Variants in BRINP1 observed in about 807,000 individuals in gnomAD.
BRINP1 encodes BMP/retinoic acid-inducible neural-specific protein 1.
BRINP1 carries 17 observed loss-of-function variants against 72.9 expected under a neutral mutation model. The observed-to-expected ratio is 0.23, with a 90% confidence interval of 0.16 to 0.35. BRINP1 has a LOEUF of 0.35. Among genes scored for constraint, BRINP1 ranks in the 10% least tolerant of loss-of-function variants. The pLI, the probability that BRINP1 is intolerant of heterozygous loss-of-function variation, is 1.00. For synonymous variants in BRINP1, 418 were observed against 378.5 expected, an observed-to-expected ratio of 1.10 and a Z score of -1.21; for missense variants, 850 against 1,001.6, an observed-to-expected ratio of 0.85 and a Z score of 2.04.
intron 7 of BRINP1, among the ~76,000 whole-genome samples, chr9:119,180,439 C>T (rs1391988799): frequency 1.3e-5 from 2 of 151,446 alleles, no homozygotes; most frequent in East Asian, 1.9e-4. Flanking sequence ...TCTGATGATG[C>T]GCTGTTCTTT....
chr9:119,219,707 A>C (rs1830019419), intron 5 of BRINP1, among the ~76,000 whole-genome samples: 1 of 148,368 alleles, frequency 6.7e-6, no homozygotes, highest in African/African-American at 2.5e-5. Flanking sequence ...AAGAGATGTA[A>C]ACTAGTTGCT....
In BRINP1 at chr9:119,213,807, G is replaced by C. The variant is rs1829952148; in HGVS notation, c.922+112C>G. ...GCATCTGGACACTCCAAAGTGAAAG[G>C]GTCAGGGTCACTGAACTTTCCCTTG... On this transcript the variant is annotated intron_variant, in intron 6 of 7. Transcript: ENST00000265922. The C allele has an allele frequency of 9.0e-6, 8 of 890,534 alleles. 1 individual carries two copies. In the South Asian group the frequency reaches 1.2e-4, roughly 13 times the overall value. 55.2% of individuals were successfully genotyped at this position (890,534 alleles called of 1,614,324 possible).
intron 7 of BRINP1, among the ~76,000 whole-genome samples, chr9:119,171,628 G>A (rs1213000405): frequency 6.3e-4 from 71 of 113,270 alleles, no homozygotes; most frequent in Admixed American, 1.5e-3. Context: ...TGCACCAAGC[G>A]GACCTAATAG....
At chr9:119,314,677 T>C (rs1040466269) in intron 1 of BRINP1, among the ~76,000 whole-genome samples, 8 of 152,200 alleles carry the variant, frequency 5.3e-5, no homozygotes, top group Non-Finnish European at 1.2e-4. Context: ...ACAGAGCTTC[T>C]CTTACTCCAT....
At chr9:119,231,335 C>T (rs1394253606) in intron 5 of BRINP1, among the ~76,000 whole-genome samples, 1 of 152,144 alleles carries the variant, frequency 6.6e-6, no homozygotes, top group East Asian at 1.9e-4. Context: ...ATGCACAAGA[C>T]CCTATTCACT....
At chr9:119,332,089 C>T (rs192205548) in intron 1 of BRINP1, among the ~76,000 whole-genome samples, 1 of 152,248 alleles carries the variant, frequency 6.6e-6, no homozygotes. Flanking sequence ...CTTCCTGTTA[C>T]CTTCAAACTC....
chr9:119,369,404 C>A lies in BRINP1; in HGVS notation c.-399G>T. ...CCCGCGCGCCAGATCAGTTTGCAGC[C>A]GTGGGGTCCGGGAGCGAGGCGGCTG... On this transcript the variant is annotated 5_prime_UTR_variant, in exon 1 of 8. Coordinates refer to ENST00000265922, the MANE Select transcript of BRINP1 (RefSeq NM_014618.3). 1 of 395,974 alleles carries A rather than the reference C, an allele frequency of 2.5e-6. No homozygotes were observed. The highest frequency in any genetic ancestry group is 4.4e-6 in the Non-Finnish European group (1 of 224,736). The allele number at this position is 395,974 out of a possible 1,614,324, so 24.5% of individuals were successfully genotyped here.
chr9:119,178,684 G>A (rs1473822617), intron 7 of BRINP1, among the ~76,000 whole-genome samples: 1 of 152,114 alleles, frequency 6.6e-6, no homozygotes, highest in Non-Finnish European at 1.5e-5. Context: ...AACAGCACAT[G>A]AAACCACCTC....
chr9:119,240,255 C>T (rs886309074), intron 4 of BRINP1, among the ~76,000 whole-genome samples: 20 of 151,992 alleles, frequency 1.3e-4, no homozygotes, highest in African/African-American at 3.9e-4. Context: ...GGTAACAGAG[C>T]GAGTCTCCAT....
intron 2 of BRINP1, among the ~76,000 whole-genome samples, chr9:119,270,240 C>T (rs911861099): frequency 2.6e-5 from 4 of 152,158 alleles, no homozygotes; most frequent in African/African-American, 9.7e-5. Flanking sequence ...TGCTGGACCT[C>T]ACTGACTACT....
intron 7 of BRINP1, among the ~76,000 whole-genome samples, chr9:119,200,105 G>A (rs530444203): frequency 2.5e-4 from 38 of 152,214 alleles, no homozygotes; most frequent in Non-Finnish European, 4.4e-4. Flanking sequence ...ATACGAACAC[G>A]GAACTCAATT....
intron 7 of BRINP1, among the ~76,000 whole-genome samples, chr9:119,186,613 C>T (rs937258156): frequency 2.0e-5 from 3 of 152,084 alleles, no homozygotes; most frequent in Non-Finnish European, 4.4e-5. Context: ...TGAGTCCACA[C>T]AGCACCTGAC....
chr9:119,221,542 T>C (rs951247998), intron 5 of BRINP1, among the ~76,000 whole-genome samples: 1 of 152,104 alleles, frequency 6.6e-6, no homozygotes, highest in African/African-American at 2.4e-5. Context: ...GGCTATGATC[T>C]CATTCAGAAG....
At chr9:119,171,521 C>A (rs1391252285) in intron 7 of BRINP1, among the ~76,000 whole-genome samples, 4 of 151,174 alleles carry the variant, frequency 2.6e-5, no homozygotes, top group African/African-American at 4.8e-5. Context: ...AGACTCCCAC[C>A]CATTAATAAT....
chr9:119,211,440 G>A (rs1307716891), intron 6 of BRINP1, among the ~76,000 whole-genome samples: 6 of 151,794 alleles, frequency 4.0e-5, no homozygotes, highest in South Asian at 2.1e-4. Context: ...CAGGTGATCC[G>A]CCCTTCTTGG....
At chr9:119,236,063 A>G (rs558964344) in intron 5 of BRINP1, among the ~76,000 whole-genome samples, 161 of 152,180 alleles carry the variant, frequency 1.1e-3, no homozygotes, top group Non-Finnish European at 2.2e-3. Flanking sequence ...TTTTATTAAT[A>G]TTAATGGGAT....
chr9:119,176,287 T>C (rs1369447747), intron 7 of BRINP1, among the ~76,000 whole-genome samples: 1 of 152,052 alleles, frequency 6.6e-6, no homozygotes, highest in African/African-American at 2.4e-5. Flanking sequence ...GTGGAGATGG[T>C]GATGGTGATG....
chr9:119,313,511 T>C, intron 1 of BRINP1, 106 bp from the exon 2 acceptor site: 1 of 991,838 alleles, frequency 1.0e-6, no homozygotes, highest in Non-Finnish European at 1.4e-6. Flanking sequence ...AGAAAAAATG[T>C]GATTAACACA....
chr9:119,330,975 C>T (rs765936660), intron 1 of BRINP1, among the ~76,000 whole-genome samples: 4 of 152,018 alleles, frequency 2.6e-5, no homozygotes, highest in African/African-American at 4.8e-5. Context: ...TGCAGCGAGC[C>T]GAGATTGTGC....
Sources: gnomAD v4.1 joint callset for allele counts (sites outside exome capture counted in the v4.1 genomes callset) on GRCh38, gnomAD v4.1.1 for gene constraint, MANE v1.5 for transcripts, NCBI Gene and HGNC (gene_info 2026-07-23, HGNC 2026-07-21) for gene names.